GREM1: variants seen among roughly 807,000 people sequenced by gnomAD.
The protein encoded by GREM1 is gremlin-1.
A neutral mutation model predicts 13.1 loss-of-function variants in GREM1; 6 were observed. That is an observed-to-expected ratio of 0.46 (90% CI 0.25 to 0.91). The LOEUF (loss-of-function observed/expected upper bound fraction) is 0.91, where lower values mean the gene tolerates loss of function less well. GREM1 is among the 40% of genes least tolerant of loss of function. The pLI is 0.18. For synonymous variants in GREM1, 98 were observed against 93.7 expected, an observed-to-expected ratio of 1.05 and a Z score of -0.27; for missense variants, 185 against 233.9, an observed-to-expected ratio of 0.79 and a Z score of 1.36.
In GREM1 at chr15:32,740,173, G is replaced by T. The variant is rs1391259178; in HGVS notation, c.*8928G>T. ...GCTGTGAGGACTGGGACAGGTGACTGCTTTGTCTAATGTGCAGACACCAAC... is the reference window on the plus strand; with the variant it reads ...GCTGTGAGGACTGGGACAGGTGACTTCTTTGTCTAATGTGCAGACACCAAC... On this transcript the variant is annotated 3_prime_UTR_variant, in exon 2 of 2. Transcript: ENST00000651154. The T allele has an allele frequency of 6.6e-6, 1 of 152,254 alleles. No individual in the cohort carries two copies. Among genetic ancestry groups the T allele is most frequent in the African/African-American group, 2.4e-5 (1 of 41,444 alleles). 9.4% of individuals were successfully genotyped at this position (152,254 alleles called of 1,614,324 possible).
At position 32,732,622 on chromosome 15, in the gene GREM1, C is replaced by CT. The variant is rs2055640867; in HGVS notation, c.*1378dup. 1 of 244,658 alleles carries CT rather than the reference C, an allele frequency of 4.1e-6. No homozygotes were observed. Among genetic ancestry groups the CT allele is most frequent in the African/African-American group, 2.2e-5 (1 of 45,148 alleles). The allele number at this position is 244,658 out of a possible 1,614,324, so 15.2% of individuals were successfully genotyped here. ...TGCTCACTGAGGATCTGAGGGGACC[C>CT]TGTTAGGAGAGCATAGCATCATGAT... is the stretch of plus-strand genomic sequence containing the variant. On this transcript the variant is annotated 3_prime_UTR_variant, in exon 2 of 2. Coordinates refer to ENST00000651154, the MANE Select transcript of GREM1 (RefSeq NM_013372.7).
rs1014719418 is a variant in GREM1, at chr15:32,734,575, A to C, written c.*3330A>C. The stretch of plus-strand genomic sequence containing the variant: ...TAAAACTAATTTGGCTTCAAGTTTC[A>C]TGAATCTGTAACTAGAATTTAATTT... On this transcript the variant is annotated 3_prime_UTR_variant, in exon 2 of 2. Coordinates refer to ENST00000651154, the MANE Select transcript of GREM1 (RefSeq NM_013372.7). 4.0e-6 allele frequency: 1 copy of C among 246,934 alleles called. No homozygotes were observed. Among genetic ancestry groups the C allele is most frequent in the African/African-American group, 2.2e-5 (1 of 45,320 alleles). 15.3% of individuals were successfully genotyped at this position (246,934 alleles called of 1,614,324 possible).
chr15:32,724,270 A>G (rs1247757388), intron 1 of GREM1, among the ~76,000 whole-genome samples: 2 of 152,248 alleles, frequency 1.3e-5, no homozygotes, highest in Non-Finnish European at 2.9e-5. Context: ...AACTTGTCCT[A>G]TGCAGTGAAC....
chr15:32,741,598 A>G lies in GREM1; in HGVS notation c.*10353A>G, dbSNP rs1323104300. ...GGAGTCTTTAGGGTTTTCTATGTATAAGATTATGTCATCTGCAAACAGCAA... is the reference window on the plus strand; with the variant it reads ...GGAGTCTTTAGGGTTTTCTATGTATGAGATTATGTCATCTGCAAACAGCAA... On this transcript the variant is annotated 3_prime_UTR_variant, in exon 2 of 2. Coordinates refer to ENST00000651154, the MANE Select transcript of GREM1 (RefSeq NM_013372.7). The G allele has an allele frequency of 3.3e-5, 5 of 152,068 alleles. No individual in the cohort carries two copies. Among genetic ancestry groups the G allele is most frequent in the Non-Finnish European group, 5.9e-5 (4 of 68,004 alleles). The allele number at this position is 152,068 out of a possible 1,614,324, so 9.4% of individuals were successfully genotyped here. A position where few individuals can be genotyped will look rare whatever the true frequency, so the allele number is the denominator to read the frequency against.
rs1204231057 is a variant in GREM1 at position 32,740,406 on chromosome 15, A to T, written c.*9161A>T. 1 of 152,234 alleles carries T rather than the reference A, an allele frequency of 6.6e-6. No homozygotes were observed. The highest frequency in any genetic ancestry group is 2.4e-5 in the African/African-American group (1 of 41,472). 9.4% of individuals were successfully genotyped at this position (152,234 alleles called of 1,614,324 possible). ...TTTGACAAAGAGATAGAGTATATTT[A>T]AAAGTACCAAAAAGAAATGGAACTG... On this transcript the variant is annotated 3_prime_UTR_variant, in exon 2 of 2. Coordinates refer to ENST00000651154, the MANE Select transcript of GREM1 (RefSeq NM_013372.7).
In GREM1 at chr15:32,723,430, G is replaced by A. The variant is rs75803816; in HGVS notation, c.-2+5269G>A. Among the ~76,000 whole-genome samples the A allele has an allele frequency of 2.1e-3, 318 of 152,230 alleles. 10 individuals carry two copies. In the East Asian group the frequency reaches 0.05, roughly 24 times the overall value. On this transcript the variant is annotated intron_variant, in intron 1 of 1. Transcript: ENST00000651154. ...AGCTAGTGTGCCTCAGAGCACTGCT[G>A]TTCTCTGAGAAGCTGAGGTCTCGAT... is the stretch of plus-strand genomic sequence containing the variant.
At position 32,731,623 on chromosome 15, in the gene GREM1, T is replaced by C. The variant is rs2055620998; in HGVS notation, c.*378T>C. ...AATCTCCTTTCGGAATGAATGTTCA[T>C]GGAAGAGGCTCCTCTGAGGGCAAGA... On this transcript the variant is annotated 3_prime_UTR_variant, in exon 2 of 2. Transcript: ENST00000651154. The C allele has an allele frequency of 1.6e-5, 5 of 315,606 alleles. No individual in the cohort carries two copies. The highest frequency in any genetic ancestry group is 4.3e-5 in the African/African-American group (2 of 47,034). The allele number at this position is 315,606 out of a possible 1,614,324, so 19.6% of individuals were successfully genotyped here.
At chr15:32,721,052 A>G (rs1413835387) in intron 1 of GREM1, among the ~76,000 whole-genome samples, 2 of 152,194 alleles carry the variant, frequency 1.3e-5, no homozygotes, top group Non-Finnish European at 2.9e-5. Context: ...GCTACTTGGG[A>G]GGCTGAGGCA....
intron 1 of GREM1, among the ~76,000 whole-genome samples, chr15:32,729,675 C>A (rs1405404298): frequency 2.0e-5 from 3 of 152,202 alleles, no homozygotes; most frequent in African/African-American, 7.2e-5. Context: ...TCTGACCCAT[C>A]CACTAATCCA....
chr15:32,718,856 G>T (rs1195994812), intron 1 of GREM1: 2 of 216,260 alleles, frequency 9.2e-6, no homozygotes, highest in Non-Finnish European at 1.9e-5. Context: ...ACACGCGCTC[G>T]CGGACCGGCC....
rs971012289 is a variant in GREM1 at position 32,736,953 on chromosome 15, C to T, written c.*5708C>T. 1 of 152,186 alleles carries T rather than the reference C, an allele frequency of 6.6e-6. No homozygotes were observed. The highest frequency in any genetic ancestry group is 1.5e-5 in the Non-Finnish European group (1 of 68,044). The allele number at this position is 152,186 out of a possible 1,614,324, so 9.4% of individuals were successfully genotyped here. ...ATGTGAGTAATAAATGTTTCATACT[C>T]TCTTGGGGTGTGTGTAACATCATCA... On this transcript the variant is annotated 3_prime_UTR_variant, in exon 2 of 2. Coordinates refer to ENST00000651154, the MANE Select transcript of GREM1 (RefSeq NM_013372.7).
Position 32,730,746 on chromosome 15 carries a change from T to A in GREM1, c.56T>A (p.Leu19Gln). The change falls in exon 2 of 2, where the codon CTG becomes CAG. Residue 19 changes from leucine to glutamine, a missense_variant. By Grantham distance (113) the Leu-to-Gln change is moderately radical. Transcript: ENST00000651154. ...CTGCTTCTCCTCTTGGGGACCCTGC[T>A]GCCGGCTGCTGAAGGGAAAAAGAAA... ...GALLLLLGTL[L>Q]PAAEGKKKGS... 6.2e-7 allele frequency: 1 copy of A among 1,603,944 alleles called. No individual in the cohort carries two copies. The highest frequency in any genetic ancestry group is 8.5e-7 in the Non-Finnish European group (1 of 1,175,740).
In GREM1 at chr15:32,742,494, GT is replaced by G. The variant is rs1263021848; in HGVS notation, c.*11250del. The stretch of plus-strand genomic sequence containing the variant: ...CATGCAATCCCCATCAAAAATCCCA[GT>G]GGCATTTTTATTTACAGAAATAGAA... On this transcript the variant is annotated 3_prime_UTR_variant, in exon 2 of 2. Transcript: ENST00000651154. The G allele has an allele frequency of 6.6e-6, 1 of 152,102 alleles. No homozygotes were observed. The highest frequency in any genetic ancestry group is 1.9e-4 in the East Asian group (1 of 5,190). The allele number at this position is 152,102 out of a possible 1,614,324, so 9.4% of individuals were successfully genotyped here.
chr15:32,729,299 T>C (rs34722587), intron 1 of GREM1, among the ~76,000 whole-genome samples: 236 of 152,206 alleles, frequency 1.6e-3, no homozygotes, highest in Non-Finnish European at 2.7e-3. Context: ...AGTGCTGGGA[T>C]TACAGGCGTG....
chr15:32,731,272 C>T lies in GREM1; in HGVS notation c.*27C>T. ...CCAAATCCAGGTGCACCCAGCATGTCCTAGGAATGCAGCCCCAGGAAGTCC... is the reference window on the plus strand; with the variant it reads ...CCAAATCCAGGTGCACCCAGCATGTTCTAGGAATGCAGCCCCAGGAAGTCC... On this transcript the variant is annotated 3_prime_UTR_variant, in exon 2 of 2. Transcript: ENST00000651154. The T allele has an allele frequency of 6.4e-7, 1 of 1,569,958 alleles. No homozygotes were observed. The highest frequency in any genetic ancestry group is 1.2e-5 in the South Asian group (1 of 86,578).
At position 32,732,705 on chromosome 15, in the gene GREM1, A is replaced by G. The variant is rs150874443; in HGVS notation, c.*1460A>G. ...GACATAACTATTGTAACTATTCAGT[A>G]TTTACTGGTAGGCACTGTCCTCTGA... On this transcript the variant is annotated 3_prime_UTR_variant, in exon 2 of 2. Transcript: ENST00000651154. 617 of 237,842 alleles carry G rather than the reference A, an allele frequency of 2.6e-3. 1 individual carries two copies. The highest frequency in any genetic ancestry group is 0.013 in the African/African-American group (581 of 44,900). The allele number at this position is 237,842 out of a possible 1,614,324, so 14.7% of individuals were successfully genotyped here.
At chr15:32,718,392 G>A (rs1332859614) in intron 1 of GREM1, 1 of 489,190 alleles carries the variant, frequency 2.0e-6, no homozygotes, top group Admixed American at 2.3e-5. Context: ...AAAAAAAGTT[G>A]TCAGGAGCGG....
In GREM1 at chr15:32,745,033, G is replaced by A. The variant is rs2055794499; in HGVS notation, c.*13788G>A. The A allele has an allele frequency of 6.6e-6, 1 of 152,148 alleles. No individual in the cohort carries two copies. Among genetic ancestry groups the A allele is most frequent in the Non-Finnish European group, 1.5e-5 (1 of 68,008 alleles). 9.4% of individuals were successfully genotyped at this position (152,148 alleles called of 1,614,324 possible). On this transcript the variant is annotated 3_prime_UTR_variant, in exon 2 of 2. Transcript: ENST00000651154. ...CTCATTAATTTTGAGAGAAAGGCAAGATAGATATTTAAATGACCCCTATTT... is the reference window on the plus strand; with the variant it reads ...CTCATTAATTTTGAGAGAAAGGCAAAATAGATATTTAAATGACCCCTATTT...
intron 1 of GREM1, chr15:32,718,862 C>T: frequency 4.6e-6 from 1 of 215,580 alleles, no homozygotes; most frequent in South Asian, 6.7e-5. Context: ...GCTCGCGGAC[C>T]GGCCACGCAC....
Sources: gnomAD v4.1 joint callset for allele counts (sites outside exome capture counted in the v4.1 genomes callset) on GRCh38, gnomAD v4.1.1 for gene constraint, MANE v1.5 for transcripts, NCBI Gene and HGNC (gene_info 2026-07-23, HGNC 2026-07-21) for gene names.